The following FHIT variants were observed in gnomAD, a reference collection of about 807,000 sequenced individuals.
FHIT encodes the protein bis(5'-adenosyl)-triphosphatase.
FHIT carries 19 observed loss-of-function variants against 17.9 expected under a neutral mutation model. That is an observed-to-expected ratio of 1.06 (90% CI 0.74 to 1.56). The LOEUF is 1.56. Ranked by LOEUF, FHIT falls within the 40% of genes most tolerant of loss-of-function variation. The pLI is 0.00. For synonymous variants in FHIT, 81 were observed against 69.7 expected, an observed-to-expected ratio of 1.16 and a Z score of -0.81; for missense variants, 248 against 189.2, an observed-to-expected ratio of 1.31 and a Z score of -1.82.
intron 8 of FHIT, among the ~76,000 whole-genome samples, chr3:59,912,416 C>A (rs1029484712): frequency 1.3e-5 from 2 of 152,210 alleles, no homozygotes; most frequent in Non-Finnish European, 2.9e-5. Flanking sequence ...TCAATATCAA[C>A]TGATAGGGTC....
At chr3:60,472,807 A>G (rs2033155469) in intron 5 of FHIT, among the ~76,000 whole-genome samples, 2 of 152,264 alleles carry the variant, frequency 1.3e-5, no homozygotes, top group Middle Eastern at 6.8e-3. Flanking sequence ...AAAGCCCCCA[A>G]TCCCAAAGAC....
intron 5 of FHIT, among the ~76,000 whole-genome samples, chr3:60,515,363 G>A (rs897554294): frequency 2.6e-5 from 4 of 152,112 alleles, no homozygotes; most frequent in Admixed American, 6.6e-5. Context: ...ATACATTTAC[G>A]GGACGTGAAA....
intron 4 of FHIT, among the ~76,000 whole-genome samples, chr3:60,665,813 A>G (rs1228274908): frequency 1.3e-5 from 2 of 151,982 alleles, no homozygotes; most frequent in African/African-American, 4.8e-5. Context: ...CCATTTCATT[A>G]CTTGTTTTCT....
intron 5 of FHIT, among the ~76,000 whole-genome samples, chr3:60,442,933 T>C (rs1338233037): frequency 6.6e-6 from 1 of 152,158 alleles, no homozygotes; most frequent in African/African-American, 2.4e-5. Context: ...TTTGTTTGTA[T>C]CCTCTTTTAT....
intron 8 of FHIT, among the ~76,000 whole-genome samples, chr3:59,791,717 T>TA (rs1169580868): frequency 6.6e-6 from 1 of 152,160 alleles, no homozygotes; most frequent in African/African-American, 2.4e-5. Flanking sequence ...CTTGTTGAAT[T>TA]AAAAAAACGG....
chr3:60,800,623 T>G (rs1701153284), intron 4 of FHIT, among the ~76,000 whole-genome samples: 1 of 152,118 alleles, frequency 6.6e-6, no homozygotes, highest in Non-Finnish European at 1.5e-5. Flanking sequence ...CTGAAATGGG[T>G]ACGCTTGTAC....
chr3:60,781,312 C>A (rs1490761742), intron 4 of FHIT, among the ~76,000 whole-genome samples: 3 of 152,166 alleles, frequency 2.0e-5, no homozygotes, highest in East Asian at 3.9e-4. Context: ...CTATGCTATA[C>A]TGGGAACCCA....
chr3:60,415,916 CATATT>C (rs1386812847), intron 5 of FHIT, among the ~76,000 whole-genome samples: 42 of 147,526 alleles, frequency 2.8e-4, no homozygotes, highest in African/African-American at 9.8e-4. Flanking sequence ...TTATATATAA[CATATT>C]AATTCCATTA....
At chr3:60,341,874 A>C (rs975881714) in intron 5 of FHIT, among the ~76,000 whole-genome samples, 11 of 152,322 alleles carry the variant, frequency 7.2e-5, no homozygotes, top group Admixed American at 5.9e-4. Context: ...GGGTCTTAGT[A>C]ATCTTGCAGA....
At chr3:60,938,273 T>C (rs530101081) in intron 3 of FHIT, among the ~76,000 whole-genome samples, 7 of 152,282 alleles carry the variant, frequency 4.6e-5, no homozygotes, top group South Asian at 2.1e-4. Context: ...TGTTGTGCTA[T>C]GTAGAATGCT....
intron 3 of FHIT, among the ~76,000 whole-genome samples, chr3:60,970,124 G>A (rs1381518852): frequency 2.6e-5 from 4 of 152,084 alleles, no homozygotes; most frequent in East Asian, 1.9e-4. Context: ...AGGCCCAGCC[G>A]TTTACTGACA....
intron 1 of FHIT, among the ~76,000 whole-genome samples, chr3:61,239,761 C>CTATATATATATATA (rs1491311135): frequency 0.031 from 1,931 of 63,036 alleles, 103 homozygotes; most frequent in African/African-American, 0.061. Context: ...AAACAACTGG[C>CTATATATATATATA]CATATATATA....
Position 60,665,456 on chromosome 3 carries a change from G to A in FHIT, c.-17-128477C>T, listed in dbSNP as rs527742122. On this transcript the variant is annotated intron_variant, in intron 4 of 9. Coordinates refer to ENST00000492590, the MANE Select transcript of FHIT (RefSeq NM_002012.4). The stretch of plus-strand genomic sequence containing the variant: ...TTTGCTTTGTGTATTTTGAGGCTCT[G>A]TTATTTGGTATGTACATAAGATCAT... Among the ~76,000 whole-genome samples the A allele has an allele frequency of 2.0e-4, 30 of 152,000 alleles. No homozygotes were observed. The South Asian group carries it at 4.8e-3, about 24-fold the overall frequency.
chr3:60,275,146 T>C (rs1707063920), intron 5 of FHIT, among the ~76,000 whole-genome samples: 1 of 152,060 alleles, frequency 6.6e-6, no homozygotes, highest in African/African-American at 2.4e-5. Context: ...TGTGAAAATT[T>C]TGGAACTAGG....
intron 4 of FHIT, among the ~76,000 whole-genome samples, chr3:60,728,412 A>G (rs1553710173): frequency 6.6e-6 from 1 of 152,142 alleles, no homozygotes; most frequent in African/African-American, 2.4e-5. Flanking sequence ...AGACAGGTCA[A>G]AACTAAATTC....
At chr3:60,724,941 G>A (rs146272483) in intron 4 of FHIT, among the ~76,000 whole-genome samples, 56 of 152,130 alleles carry the variant, frequency 3.7e-4, no homozygotes, top group African/African-American at 1.1e-3. Context: ...GAGCCAACGC[G>A]CCCAAACTTA....
At chr3:60,167,639 T>TCC (rs1382765058) in intron 5 of FHIT, among the ~76,000 whole-genome samples, 4 of 152,238 alleles carry the variant, frequency 2.6e-5, no homozygotes, top group Non-Finnish European at 4.4e-5. Context: ...TGCACAGTCT[T>TCC]CATTAATTTC....
intron 8 of FHIT, among the ~76,000 whole-genome samples, chr3:59,891,458 G>T (rs1250509014): frequency 6.6e-6 from 1 of 152,210 alleles, no homozygotes; most frequent in Non-Finnish European, 1.5e-5. Context: ...ACCTGAGAAG[G>T]ACTGAGGCTG....
intron 3 of FHIT, among the ~76,000 whole-genome samples, chr3:60,900,446 G>A (rs1415370577): frequency 2.0e-4 from 29 of 147,330 alleles, no homozygotes; most frequent in South Asian, 2.1e-4. Context: ...CAAAAGAAAA[G>A]AAAAAAAAAA....
Sources: gnomAD v4.1 joint callset for allele counts (sites outside exome capture counted in the v4.1 genomes callset) on GRCh38, gnomAD v4.1.1 for gene constraint, MANE v1.5 for transcripts, NCBI Gene and HGNC (gene_info 2026-07-23, HGNC 2026-07-21) for gene names.